Variants in SF3B1 observed in about 807,000 individuals in gnomAD.
SF3B1 encodes pre-mRNA processing 10.
SF3B1 carries 12 observed loss-of-function variants against 153.8 expected under a neutral mutation model. The ratio of observed to expected loss-of-function variants is 0.08; its 90% CI spans 0.05 to 0.13. SF3B1 has a LOEUF of 0.13. SF3B1 is among the 10% of genes least tolerant of loss of function. The pLI is 1.00. For synonymous variants in SF3B1, 498 were observed against 525.2 expected (o/e 0.95, Z 0.71); for missense variants, 513 against 1,606.1 (o/e 0.32, Z 11.63).
At chr2:197,407,518 T>G (rs1427936299) in intron 9 of SF3B1, among the ~76,000 whole-genome samples, 1 of 150,230 alleles carries the variant, frequency 6.7e-6, no homozygotes, top group African/African-American at 2.5e-5. Context: ...GGCAAGAGAA[T>G]CGCTTAAACC....
At chr2:197,415,254 ATTTAT>A (rs2085130266) in intron 6 of SF3B1, among the ~76,000 whole-genome samples, 1 of 150,970 alleles carries the variant, frequency 6.6e-6, no homozygotes, top group South Asian at 2.1e-4. Flanking sequence ...AGCTTTAATT[ATTTAT>A]TTATTTATTT....
intron 1 of SF3B1, among the ~76,000 whole-genome samples, chr2:197,429,398 C>A (rs985808114): frequency 1.3e-5 from 2 of 152,184 alleles, no homozygotes; most frequent in African/African-American, 2.4e-5. Flanking sequence ...TATCCATTCT[C>A]TAGCTGAAGT....
At position 197,408,464 on chromosome 2, in the gene SF3B1, G is replaced by T; in HGVS notation, c.1022C>A (p.Thr341Lys). ...GCTTCCACCCATCTGACTAGCTGGTGTTTCATCCCACCGTGATTTTCTTTT... is the reference window on the plus strand; with the variant it reads ...GCTTCCACCCATCTGACTAGCTGGTTTTTCATCCCACCGTGATTTTCTTTT... ...ASKRKSRWDE[T>K]PASQMGGSTP... is the part of the protein sequence containing the mutation. The change falls in exon 8 of 25, where the codon ACA becomes AAA. Residue 341 changes from threonine (T) to lysine (K), a missense_variant. Coordinates refer to ENST00000335508, the MANE Select transcript of SF3B1 (RefSeq NM_012433.4). 1 of 1,614,052 alleles carries T rather than the reference G, an allele frequency of 6.2e-7. No homozygotes were observed. The highest frequency in any genetic ancestry group is 8.5e-7 in the Non-Finnish European group (1 of 1,180,002).
chr2:197,394,648 G>C (rs537235013), intron 23 of SF3B1, among the ~76,000 whole-genome samples: 1 of 152,336 alleles, frequency 6.6e-6, no homozygotes, highest in South Asian at 2.1e-4. Flanking sequence ...GCTCACGCCT[G>C]TAATCCCAGC....
chr2:197,414,059 T>C (rs996774014), intron 6 of SF3B1, among the ~76,000 whole-genome samples: 6 of 152,152 alleles, frequency 3.9e-5, no homozygotes, highest in Admixed American at 3.3e-4. Flanking sequence ...CCACCCACCT[T>C]GGCCTCCCAA....
At chr2:197,421,199 G>T in intron 2 of SF3B1, 66 bp from the exon 3 acceptor site, 1 of 1,010,168 alleles carries the variant, frequency 9.9e-7, no homozygotes. Flanking sequence ...GAAAGAATAT[G>T]CAAAGATTCA....
chr2:197,405,211 T>A (rs2084977143), intron 10 of SF3B1, 34 bp from the exon 11 acceptor site: 3 of 1,596,214 alleles, frequency 1.9e-6, no homozygotes, highest in Non-Finnish European at 2.6e-6. Flanking sequence ...TAAGGGAAGT[T>A]GAAATGTTAT....
rs2084800247 is a variant in SF3B1 at position 197,390,636 on chromosome 2, T to TCTCG, written c.*1666_*1667insCGAG. On this transcript the variant is annotated 3_prime_UTR_variant, in exon 25 of 25. Transcript: ENST00000335508. ...TTTTTTTTTTTTTTTTGAGACGGAG[T>TCTCG]CTCTGTCGCCCAGGCTGGAGTGTAG... 1 of 144,524 alleles carries TCTCG rather than the reference T, an allele frequency of 6.9e-6. No individual in the cohort carries two copies. The highest frequency in any genetic ancestry group is 2.6e-5 in the African/African-American group (1 of 38,498). 9.0% of individuals were successfully genotyped at this position (144,524 alleles called of 1,614,324 possible). A position where few individuals can be genotyped will look rare whatever the true frequency, so the allele number is the denominator to read the frequency against.
chr2:197,428,372 TA>T (rs1332230494), intron 1 of SF3B1, among the ~76,000 whole-genome samples: 4 of 152,140 alleles, frequency 2.6e-5, no homozygotes, highest in African/African-American at 9.7e-5. Flanking sequence ...TAATTAAAAG[TA>T]ATTTTCCAAA....
At chr2:197,399,663 G>A (rs1327783071) in intron 20 of SF3B1, among the ~76,000 whole-genome samples, 1 of 151,932 alleles carries the variant, frequency 6.6e-6, no homozygotes, top group Non-Finnish European at 1.5e-5. Flanking sequence ...GCTAATTCAA[G>A]GTTTAAATAT....
chr2:197,431,104 CTTTTTTT>C (rs558644461), intron 1 of SF3B1, among the ~76,000 whole-genome samples: 5 of 73,656 alleles, frequency 6.8e-5, no homozygotes, highest in South Asian at 6.0e-4. Flanking sequence ...GCCTTTTCTT[CTTTTTTT>C]TTTTTTTTTT....
intron 7 of SF3B1, among the ~76,000 whole-genome samples, chr2:197,409,060 C>T (rs576411377): frequency 1.2e-4 from 18 of 152,280 alleles, no homozygotes; most frequent in African/African-American, 3.6e-4. Context: ...GAGTTCAACA[C>T]CAGGCTGGGC....
At position 197,405,491 on chromosome 2, in the gene SF3B1, C is replaced by T. The variant is rs776444670; in HGVS notation, c.1240-19G>A. 3 of 1,562,620 alleles carry T rather than the reference C, an allele frequency of 1.9e-6. No individual in the cohort carries two copies. Among genetic ancestry groups the T allele is most frequent in the Non-Finnish European group, 2.6e-6 (3 of 1,141,304 alleles). Reference sequence around the variant, plus strand: ...GAAGTACCTAATAAAAGTTATAAGACAGTTTAGGATTTTCTTAACTTAAAA... The same window carrying T: ...GAAGTACCTAATAAAAGTTATAAGATAGTTTAGGATTTTCTTAACTTAAAA... On this transcript the variant is annotated intron_variant, in intron 9 of 24. Transcript: ENST00000335508.
chr2:197,394,854 G>A (rs905771240), intron 23 of SF3B1, among the ~76,000 whole-genome samples: 1 of 151,928 alleles, frequency 6.6e-6, no homozygotes, highest in African/African-American at 2.4e-5. Context: ...GCAGTATGCC[G>A]AGATCATGCC....
rs1559265318 is a variant in SF3B1 at position 197,400,700 on chromosome 2, AAT to A, written c.2718+13_2718+14del. ...ATTAAAGTTAGTAGCAATGTGCCAT[AAT>A]AGTTTTCATTACCTCTGTAGTCTGT... is the stretch of plus-strand genomic sequence containing the variant. On this transcript the variant is annotated intron_variant, in intron 18 of 24. Transcript: ENST00000335508. The surrounding 1 kb of genome is among the most constrained non-coding windows in gnomAD (Gnocchi z 5.0). The A allele has an allele frequency of 2.0e-6, 3 of 1,535,070 alleles. No individual in the cohort carries two copies. The East Asian group carries it at 6.8e-5, about 35-fold the overall frequency.
chr2:197,434,873 C>A, intron 1 of SF3B1, 99 bp downstream of exon 1: 1 of 1,341,130 alleles, frequency 7.5e-7, no homozygotes, highest in Non-Finnish European at 1.1e-6. Context: ...GGGCTCAGCT[C>A]CTACGAAAGA....
At chr2:197,397,837 C>T (rs542560329) in intron 22 of SF3B1, 148 bp downstream of exon 22, 1 of 493,262 alleles carries the variant, frequency 2.0e-6, no homozygotes, top group African/African-American at 2.0e-5. Context: ...TTCCAATAAT[C>T]AGAAGGTCAG....
intron 22 of SF3B1, among the ~76,000 whole-genome samples, chr2:197,397,326 T>C (rs1458896292): frequency 1.3e-5 from 2 of 152,152 alleles, no homozygotes; most frequent in Non-Finnish European, 2.9e-5. Flanking sequence ...AAAGCATTAA[T>C]ATGAGACTTA....
rs147781543 is a variant in SF3B1 at position 197,433,822 on chromosome 2, A to G, written c.28+1150T>C. Among the ~76,000 whole-genome samples, 434 of 152,334 alleles carry G rather than the reference A, an allele frequency of 2.8e-3. 4 individuals carry two copies. The highest frequency in any genetic ancestry group is 1.0e-2 in the African/African-American group (414 of 41,570). On this transcript the variant is annotated intron_variant, in intron 1 of 24. Transcript: ENST00000335508. Reference sequence around the variant, plus strand: ...TCACGATTCAATACCTTGTTACAAGATGTTCTCAGGCTCAGATGTCCTTCC... The same window carrying G: ...TCACGATTCAATACCTTGTTACAAGGTGTTCTCAGGCTCAGATGTCCTTCC...
Sources: allele counts gnomAD v4.1 joint callset (sites outside exome capture counted in the v4.1 genomes callset), GRCh38; gene constraint gnomAD v4.1.1; non-coding constraint Gnocchi (gnomAD v3.1); transcripts MANE v1.5; gene names NCBI Gene and HGNC (gene_info 2026-07-23, HGNC 2026-07-21).